The following NSD3 variants were observed in gnomAD, a reference collection of about 807,000 sequenced individuals.
NSD3 encodes the protein histone-lysine N-methyltransferase NSD3.
A neutral mutation model predicts 160.8 loss-of-function variants in NSD3; 24 were observed. The observed-to-expected ratio is 0.15, with a 90% CI of 0.11 to 0.21. The LOEUF is 0.21. Ranked by LOEUF, NSD3 falls within the 10% of genes least tolerant of loss-of-function variation. The pLI is 1.00. For synonymous variants in NSD3, 520 were observed against 600.0 expected (o/e 0.87, Z 1.95); for missense variants, 1,157 against 1,735.9 (o/e 0.67, Z 5.93).
rs1164481947 is a variant in NSD3 at position 38,270,328 on chromosome 8, C to T, written c.*5313G>A. On this transcript the variant is annotated 3_prime_UTR_variant, in exon 24 of 24. Coordinates refer to ENST00000317025, the MANE Select transcript of NSD3 (RefSeq NM_023034.2). ...CTACAAAGATCATTATCATAAAGAA[C>T]ACGAGAAAATGAAAACGGAGTCTGT... is the stretch of plus-strand genomic sequence containing the variant. 2 of 152,118 alleles carry T rather than the reference C, an allele frequency of 1.3e-5. No individual in the cohort carries two copies. The highest frequency in any genetic ancestry group is 2.1e-4 in the South Asian group (1 of 4,820). 9.4% of individuals were successfully genotyped at this position (152,118 alleles called of 1,614,324 possible). A position where few individuals can be genotyped will look rare whatever the true frequency, so the allele number is the denominator to read the frequency against.
chr8:38,361,712 G>A (rs1350689473), intron 1 of NSD3, among the ~76,000 whole-genome samples: 1 of 132,696 alleles, frequency 7.5e-6, no homozygotes, highest in Non-Finnish European at 1.5e-5. Flanking sequence ...CCAAGATCGC[G>A]CCACTGCGCT....
intron 8 of NSD3, chr8:38,320,834 G>A: frequency 2.8e-6 from 1 of 356,680 alleles, no homozygotes; most frequent in Non-Finnish European, 5.0e-6. Context: ...GATTTTTTAA[G>A]TCTTGCACCA....
intron 1 of NSD3, among the ~76,000 whole-genome samples, chr8:38,370,344 A>G (rs1159037999): frequency 6.7e-6 from 1 of 149,196 alleles, no homozygotes; most frequent in East Asian, 2.0e-4. Context: ...CATACACAAT[A>G]CTCTCTCAAT....
intron 5 of NSD3, among the ~76,000 whole-genome samples, chr8:38,330,165 T>G (rs1346156028): frequency 6.6e-6 from 1 of 152,162 alleles, no homozygotes; most frequent in Non-Finnish European, 1.5e-5. Flanking sequence ...CTCATATACA[T>G]AAAAAGCTAG....
At chr8:38,293,922 CAAAAAAAAAAAAAAAAA>C (rs11290856) in intron 16 of NSD3, among the ~76,000 whole-genome samples, 28 of 49,942 alleles carry the variant, frequency 5.6e-4, no homozygotes, top group African/African-American at 2.1e-3. Context: ...GACTCCGTCT[CAAAAAAAAAAAAAAAAA>C]AAAAAAAAAA....
In NSD3 at chr8:38,300,496, T is replaced by A. The variant is rs185577808; in HGVS notation, c.2612-906A>T. Among the ~76,000 whole-genome samples the A allele has an allele frequency of 1.7e-3, 259 of 152,286 alleles. 2 individuals carry two copies. The highest frequency in any genetic ancestry group is 5.8e-3 in the African/African-American group (243 of 41,552). On this transcript the variant is annotated intron_variant, in intron 14 of 23. Coordinates refer to ENST00000317025, the MANE Select transcript of NSD3 (RefSeq NM_023034.2). The stretch of plus-strand genomic sequence containing the variant: ...TACATGATTTTAAAGGAGCCATAAT[T>A]TCCTGAACTTTACTGAGGTAATGCA...
At position 38,300,573 on chromosome 8, in the gene NSD3, G is replaced by A. The variant is rs114482602; in HGVS notation, c.2612-983C>T. ...ATATAAAAGGATTACCAACTTAAGC[G>A]TTAATAAAAACAATCTTTTTGATCT... On this transcript the variant is annotated intron_variant, in intron 14 of 23. Coordinates refer to ENST00000317025, the MANE Select transcript of NSD3 (RefSeq NM_023034.2). 7.3e-3 allele frequency among the ~76,000 whole-genome samples: 1,111 copies of A among 152,256 alleles called. 17 individuals carry two copies. The highest frequency in any genetic ancestry group is 0.025 in the African/African-American group (1,056 of 41,550).
At position 38,291,546 on chromosome 8, in the gene NSD3, T is replaced by C. The variant is rs190920154; in HGVS notation, c.2916-869A>G. ...ACATGATTGCACTCCCAGATTTATA[T>C]TGCAGAACTTGATAAAGTGTCACCT... On this transcript the variant is annotated intron_variant, in intron 16 of 23. Coordinates refer to ENST00000317025, the MANE Select transcript of NSD3 (RefSeq NM_023034.2). Among the ~76,000 whole-genome samples the C allele has an allele frequency of 2.3e-4, 35 of 152,368 alleles. No individual in the cohort carries two copies. In the East Asian group the frequency reaches 2.5e-3, roughly 11 times the overall value.
chr8:38,364,777 G>A (rs1025168135), intron 1 of NSD3, among the ~76,000 whole-genome samples: 1 of 152,144 alleles, frequency 6.6e-6, no homozygotes, highest in Non-Finnish European at 1.5e-5. Flanking sequence ...TTAAAGTCTT[G>A]TTAATTTAAA....
intron 1 of NSD3, among the ~76,000 whole-genome samples, chr8:38,369,388 C>A (rs1811183560): frequency 6.6e-6 from 1 of 152,102 alleles, no homozygotes; most frequent in Non-Finnish European, 1.5e-5. Flanking sequence ...CAAACTTGAA[C>A]CAGCATGAAT....
intron 1 of NSD3, among the ~76,000 whole-genome samples, chr8:38,375,019 A>C (rs898770666): frequency 8.5e-5 from 13 of 152,096 alleles, no homozygotes; most frequent in African/African-American, 2.4e-4. Context: ...AAAAATTTAA[A>C]AATAAATAAA....
intron 1 of NSD3, among the ~76,000 whole-genome samples, chr8:38,365,576 G>GA (rs1811086716): frequency 6.6e-6 from 1 of 152,068 alleles, no homozygotes; most frequent in South Asian, 2.1e-4. Flanking sequence ...AGGTTCAAGC[G>GA]ATTCTCCTGC....
At position 38,313,767 on chromosome 8, in the gene NSD3, G is replaced by A. The variant is rs1286737142; in HGVS notation, c.2242+880C>T. Among the ~76,000 whole-genome samples, 8 of 141,872 alleles carry A rather than the reference G, an allele frequency of 5.6e-5. No individual in the cohort carries two copies. In the East Asian group the frequency reaches 8.2e-4, roughly 15 times the overall value. The allele number at this position is 141,872 out of a possible 152,430, so 93.1% of individuals were successfully genotyped here. On this transcript the variant is annotated intron_variant, in intron 12 of 23. Coordinates refer to ENST00000317025, the MANE Select transcript of NSD3 (RefSeq NM_023034.2). Reference sequence around the variant, plus strand: ...TGTGCCACTGCACTCCAGCCTGGGCGACAGAGCGAGACTCTGTCTCAAAAA... The same window carrying A: ...TGTGCCACTGCACTCCAGCCTGGGCAACAGAGCGAGACTCTGTCTCAAAAA...
At chr8:38,341,995 T>A (rs903935892) in intron 2 of NSD3, among the ~76,000 whole-genome samples, 4 of 152,150 alleles carry the variant, frequency 2.6e-5, no homozygotes, top group Non-Finnish European at 5.9e-5. Context: ...AATTCAAATG[T>A]CTTATCTTTT....
chr8:38,357,786 A>G (rs1411725092), intron 1 of NSD3, among the ~76,000 whole-genome samples: 1 of 152,232 alleles, frequency 6.6e-6, no homozygotes, highest in Non-Finnish European at 1.5e-5. Context: ...AAACTAAACT[A>G]CATAAACTTA....
rs1809669587 is a variant in NSD3, at chr8:38,316,552, C to T, written c.1856-510G>A. 1.8e-5 allele frequency: 19 copies of T among 1,049,184 alleles called. No homozygotes were observed. The highest frequency in any genetic ancestry group is 2.0e-5 in the Non-Finnish European group (17 of 869,188). The allele number at this position is 1,049,184 out of a possible 1,614,324, so 65.0% of individuals were successfully genotyped here. A position where few individuals can be genotyped will look rare whatever the true frequency, so the allele number is the denominator to read the frequency against. On this transcript the variant is annotated intron_variant, in intron 9 of 23. Coordinates refer to ENST00000317025, the MANE Select transcript of NSD3 (RefSeq NM_023034.2). The surrounding 1 kb of genome is among the most constrained non-coding windows in gnomAD (Gnocchi z 4.5). ...TTTTGCAATTCAGTTGATTATTGCC[C>T]CCCAATAAAATTTGGATGTTCATAA... is the stretch of plus-strand genomic sequence containing the variant.
intron 12 of NSD3, among the ~76,000 whole-genome samples, chr8:38,306,742 G>A (rs1258665472): frequency 6.6e-6 from 1 of 152,090 alleles, no homozygotes; most frequent in Admixed American, 6.5e-5. Context: ...TTTACATAAA[G>A]ACAAATAGGC....
chr8:38,305,100 T>G (rs374094782), intron 13 of NSD3, 148 bp downstream of exon 13: 5 of 773,836 alleles, frequency 6.5e-6, no homozygotes, highest in Non-Finnish European at 1.0e-5. Flanking sequence ...CTACTTAACA[T>G]GTACTGTGTA....
At chr8:38,300,588 C>A (rs544734274) in intron 14 of NSD3, among the ~76,000 whole-genome samples, 1 of 152,296 alleles carries the variant, frequency 6.6e-6, no homozygotes, top group East Asian at 1.9e-4. Flanking sequence ...TAAAAACAAT[C>A]TTTTTGATCT....
Sources: gnomAD v4.1 joint callset for allele counts (sites outside exome capture counted in the v4.1 genomes callset) on GRCh38, gnomAD v4.1.1 for gene constraint, Gnocchi (gnomAD v3.1) non-coding constraint, MANE v1.5 for transcripts, NCBI Gene and HGNC (gene_info 2026-07-23, HGNC 2026-07-21) for gene names.